Variants in BAZ1A observed in about 807,000 individuals in gnomAD.
BAZ1A encodes the protein bromodomain adjacent to zinc finger domain 1A, also known as bromodomain adjacent to zinc finger domain protein 1A.
Under a neutral mutation model 185.2 loss-of-function variants are expected in BAZ1A, and 50 were observed. That is an observed-to-expected ratio of 0.27 (90% CI 0.22 to 0.34). BAZ1A has a LOEUF of 0.34. BAZ1A is among the 10% of genes least tolerant of loss of function. The pLI, the probability that BAZ1A is intolerant of heterozygous loss-of-function variation, is 1.00. For synonymous variants in BAZ1A, 571 were observed against 615.6 expected (o/e 0.93, Z 1.07); for missense variants, 1,356 against 1,839.9 (o/e 0.74, Z 4.81).
chr14:34,855,595 A>G (rs2042663919), intron 3 of BAZ1A, among the ~76,000 whole-genome samples: 1 of 152,192 alleles, frequency 6.6e-6, no homozygotes, highest in Non-Finnish European at 1.5e-5. Context: ...TTTGTTACAT[A>G]TATTTAAAAT....
intron 23 of BAZ1A, 74 bp downstream of exon 23, chr14:34,764,633 C>T (rs751325668): frequency 1.3e-6 from 2 of 1,525,844 alleles, no homozygotes; most frequent in Admixed American, 4.0e-5. Flanking sequence ...CTAACTATTC[C>T]ATTTGTATTT....
intron 3 of BAZ1A, among the ~76,000 whole-genome samples, chr14:34,832,209 C>CATATATATAT (rs1346957821): frequency 3.1e-5 from 2 of 63,934 alleles, no homozygotes; most frequent in African/African-American, 1.0e-4. Context: ...CACACACACA[C>CATATATATAT]ACACACATAT....
intron 5 of BAZ1A, among the ~76,000 whole-genome samples, chr14:34,809,791 A>G (rs1401375885): frequency 2.6e-5 from 4 of 152,208 alleles, no homozygotes; most frequent in Admixed American, 6.5e-5. Context: ...AGGGAATTAC[A>G]TTATGTAAAT....
chr14:34,782,418 ATTTT>A (rs537067831), intron 16 of BAZ1A, among the ~76,000 whole-genome samples: 1 of 151,654 alleles, frequency 6.6e-6, no homozygotes, highest in Admixed American at 6.6e-5. Flanking sequence ...TGTTTTTAAG[ATTTT>A]TTTTCTTTTA....
intron 4 of BAZ1A, among the ~76,000 whole-genome samples, chr14:34,819,069 A>G (rs2042046113): frequency 7.6e-6 from 1 of 131,746 alleles, no homozygotes; most frequent in African/African-American, 2.9e-5. Context: ...TGAACCCGGG[A>G]GGCGGAGCTT....
At chr14:34,802,350 G>A (rs968597156) in intron 7 of BAZ1A, among the ~76,000 whole-genome samples, 2 of 151,898 alleles carry the variant, frequency 1.3e-5, no homozygotes, top group East Asian at 1.9e-4. Flanking sequence ...AGCAATTCTC[G>A]TGCCTCAGGC....
At chr14:34,777,540 A>G (rs1879717888) in intron 17 of BAZ1A, among the ~76,000 whole-genome samples, 1 of 150,586 alleles carries the variant, frequency 6.6e-6, no homozygotes, top group African/African-American at 2.4e-5. Flanking sequence ...GCTACTCAGG[A>G]GGCTGAGGCA....
chr14:34,792,674 T>G, intron 12 of BAZ1A, 101 bp downstream of exon 12: 1 of 1,324,726 alleles, frequency 7.5e-7, no homozygotes, highest in Non-Finnish European at 1.1e-6. Context: ...ACAACTATAT[T>G]TTATAAGCAT....
intron 9 of BAZ1A, among the ~76,000 whole-genome samples, chr14:34,799,518 A>C (rs1330669700): frequency 6.6e-6 from 1 of 152,176 alleles, no homozygotes; most frequent in Non-Finnish European, 1.5e-5. Flanking sequence ...CCAGCTATAG[A>C]ATTCTCTAAG....
chr14:34,801,287 T>C (rs181030864), intron 7 of BAZ1A, 94 bp from the exon 8 acceptor site: 350 of 851,262 alleles, frequency 4.1e-4, no homozygotes, highest in Admixed American at 7.9e-4. Flanking sequence ...TTCTTTATAC[T>C]AAAATGATTT....
At chr14:34,809,078 C>T (rs1446256887) in intron 5 of BAZ1A, among the ~76,000 whole-genome samples, 1 of 152,132 alleles carries the variant, frequency 6.6e-6, no homozygotes, top group Non-Finnish European at 1.5e-5. Flanking sequence ...ACTTCATTTA[C>T]ATTGTATTAG....
chr14:34,843,629 G>C (rs965580503), intron 3 of BAZ1A, among the ~76,000 whole-genome samples: 1 of 152,166 alleles, frequency 6.6e-6, no homozygotes, highest in African/African-American at 2.4e-5. Flanking sequence ...ACTTTTAGGG[G>C]TGGTTTGTTA....
rs113582174 is a variant in BAZ1A, at chr14:34,764,662, CT to C, written c.3776+44del. 68 of 1,553,142 alleles carry C rather than the reference CT, an allele frequency of 4.4e-5. No individual in the cohort carries two copies. In the African/African-American group the frequency reaches 8.7e-4, roughly 20 times the overall value. On this transcript the variant is annotated intron_variant, in intron 23 of 26. Transcript: ENST00000360310. ...TGTATTTGAATAGTGGAGAAATTGTCTAACTAAGACTTACTGACTCATTTTA... is the reference window on the plus strand; with the variant it reads ...TGTATTTGAATAGTGGAGAAATTGTCAACTAAGACTTACTGACTCATTTTA...
intron 3 of BAZ1A, among the ~76,000 whole-genome samples, chr14:34,859,428 C>CAA (rs33993387): frequency 1.5e-5 from 2 of 130,880 alleles, no homozygotes; most frequent in African/African-American, 2.9e-5. Flanking sequence ...CAGACCCTGT[C>CAA]AAAAAAAAAA....
rs530155663 is a variant in BAZ1A, at chr14:34,777,236, C to G, written c.2237-721G>C. On this transcript the variant is annotated intron_variant, in intron 17 of 26. Coordinates refer to ENST00000360310, the MANE Select transcript of BAZ1A (RefSeq NM_013448.3). Reference sequence around the variant, plus strand: ...CCCAAAAGCAATCACAGGCAACATGCAGACAATGAGCATGGCTGTGGTTCA... The same window carrying G: ...CCCAAAAGCAATCACAGGCAACATGGAGACAATGAGCATGGCTGTGGTTCA... Among the ~76,000 whole-genome samples, 211 of 152,356 alleles carry G rather than the reference C, an allele frequency of 1.4e-3. 1 individual carries two copies. The highest frequency in any genetic ancestry group is 2.1e-3 in the Non-Finnish European group (140 of 68,036).
At chr14:34,759,758 T>A (rs1435235239) in intron 24 of BAZ1A, among the ~76,000 whole-genome samples, 1 of 152,138 alleles carries the variant, frequency 6.6e-6, no homozygotes, top group East Asian at 1.9e-4. Context: ...CACTGCAACT[T>A]CTGCCTCCTG....
In BAZ1A at chr14:34,783,801, G is replaced by C; in HGVS notation, c.1958C>G (p.Ala653Gly). 1 of 1,612,972 alleles carries C rather than the reference G, an allele frequency of 6.2e-7. No homozygotes were observed. Among genetic ancestry groups the C allele is most frequent in the Non-Finnish European group, 8.5e-7 (1 of 1,179,734 alleles). The change falls in exon 15 of 27, where the codon GCA (alanine) becomes GGA (glycine). Residue 653 changes from alanine to glycine, a missense_variant. This residue lies in a region of BAZ1A where 434 missense variants were observed against 561.7 expected (regional missense o/e 0.77). Transcript: ENST00000360310. ...TTCCCTCTCTTTTCGATGTTGTTCT[G>C]CTTTTAATTCCCGGAACTCCTGCTT... The part of the protein sequence containing the change: ...QAKQEFRELK[A>G]EQHRKEREEA...
intron 24 of BAZ1A, among the ~76,000 whole-genome samples, chr14:34,761,159 T>C (rs1310085097): frequency 1.3e-5 from 2 of 151,802 alleles, no homozygotes; most frequent in Non-Finnish European, 2.9e-5. Flanking sequence ...ATACCTGTAA[T>C]CCTGCTACTC....
At chr14:34,832,215 C>CACACACACACACACATACATATATATAT in intron 3 of BAZ1A, among the ~76,000 whole-genome samples, 1 of 89,670 alleles carries the variant, frequency 1.1e-5, no homozygotes, top group East Asian at 3.8e-4. Context: ...CACACACACA[C>CACACACACACACACATACATATATATAT]ATATATATAT....
Sources: gnomAD v4.1 joint callset for allele counts (sites outside exome capture counted in the v4.1 genomes callset) on GRCh38, gnomAD v4.1.1 for gene constraint, gnomAD v4.1.1 regional missense constraint, MANE v1.5 for transcripts, NCBI Gene and HGNC (gene_info 2026-07-23, HGNC 2026-07-21) for gene names.